Variants in ERICH6B observed in about 807,000 individuals in gnomAD.
ERICH6B encodes the protein glutamate-rich protein 6B.
A neutral mutation model predicts 80.0 loss-of-function variants in ERICH6B; 69 were observed. That is an observed-to-expected ratio of 0.86 (90% CI 0.71 to 1.05). The LOEUF is 1.05. Among genes scored for constraint, ERICH6B ranks in the 50% least tolerant of loss-of-function variants. The pLI, the probability that ERICH6B is intolerant of heterozygous loss-of-function variation, is 0.00. For missense variants in ERICH6B, 754 were observed against 796.1 expected, an observed-to-expected ratio of 0.95 and a Z score of 0.64; for synonymous variants, 283 against 291.9, an observed-to-expected ratio of 0.97 and a Z score of 0.31.
At position 45,561,730 on chromosome 13, in the gene ERICH6B, CTGTT is replaced by C. The variant is rs749930026; in HGVS notation, c.1250-208_1250-205del. Among the ~76,000 whole-genome samples the C allele has an allele frequency of 4.6e-5, 7 of 152,282 alleles. No individual in the cohort carries two copies. The East Asian group carries it at 9.7e-4, about 21-fold the overall frequency. ...GTTGGGGCTGACATTCCAGCTCACT[CTGTT>C]TGGTCACACATTCACTCAACATGTA... is the stretch of plus-strand genomic sequence containing the variant. On this transcript the variant is annotated intron_variant, in intron 10 of 14. Coordinates refer to ENST00000298738, the MANE Select transcript of ERICH6B (RefSeq NM_182542.3).
chr13:45,558,741 C>A (rs1874538529), intron 11 of ERICH6B, among the ~76,000 whole-genome samples: 1 of 152,148 alleles, frequency 6.6e-6, no homozygotes, highest in African/African-American at 2.4e-5. Flanking sequence ...CATTTATTGA[C>A]TTGGATATGG....
At chr13:45,597,647 C>T (rs1876455432) in intron 2 of ERICH6B, among the ~76,000 whole-genome samples, 1 of 152,150 alleles carries the variant, frequency 6.6e-6, no homozygotes, top group African/African-American at 2.4e-5. Flanking sequence ...CAGGCAAATG[C>T]TACATATGTT....
intron 9 of ERICH6B, among the ~76,000 whole-genome samples, chr13:45,565,941 G>A (rs1874894774): frequency 6.6e-6 from 1 of 152,196 alleles, no homozygotes; most frequent in Admixed American, 6.5e-5. Flanking sequence ...GGAAAGTTTG[G>A]AACTTCCTAG....
chr13:45,599,765 G>C (rs916815240), intron 2 of ERICH6B, among the ~76,000 whole-genome samples: 1 of 152,130 alleles, frequency 6.6e-6, no homozygotes, highest in Non-Finnish European at 1.5e-5. Flanking sequence ...ACCTAGTGCA[G>C]GAGCCAAGTC....
chr13:45,589,977 C>A (rs1055458380), intron 4 of ERICH6B, among the ~76,000 whole-genome samples: 1 of 152,152 alleles, frequency 6.6e-6, no homozygotes, highest in Non-Finnish European at 1.5e-5. Context: ...TTATGGGTCC[C>A]CTACTTGGCA....
At chr13:45,603,892 G>A (rs1485556154) in intron 2 of ERICH6B, among the ~76,000 whole-genome samples, 2 of 152,198 alleles carry the variant, frequency 1.3e-5, no homozygotes, top group Non-Finnish European at 2.9e-5. Flanking sequence ...TGATTTACTG[G>A]TGTAGCCCAA....
chr13:45,547,438 G>T (rs1874037856), intron 13 of ERICH6B, among the ~76,000 whole-genome samples: 1 of 152,138 alleles, frequency 6.6e-6, no homozygotes, highest in Admixed American at 6.5e-5. Context: ...GGCTTAGCTA[G>T]CTCTTAACCA....
At chr13:45,560,238 T>A (rs575029884) in intron 11 of ERICH6B, among the ~76,000 whole-genome samples, 1 of 152,328 alleles carries the variant, frequency 6.6e-6, no homozygotes, top group East Asian at 1.9e-4. Context: ...TGAATGACTC[T>A]AATATTTTGA....
intron 13 of ERICH6B, among the ~76,000 whole-genome samples, chr13:45,546,523 G>A (rs149198131): frequency 3.9e-5 from 6 of 152,262 alleles, no homozygotes; most frequent in Non-Finnish European, 5.9e-5. Flanking sequence ...TGTTGCATAC[G>A]TGACAGGCTT....
At chr13:45,574,996 T>C in intron 7 of ERICH6B, 66 bp from the exon 8 acceptor site, 1 of 1,075,716 alleles carries the variant, frequency 9.3e-7, no homozygotes, top group South Asian at 1.4e-5. Context: ...ACATAAAAAA[T>C]TTAAAAAGAA....
chr13:45,596,914 T>C lies in ERICH6B; in HGVS notation c.92A>G (p.Lys31Arg), dbSNP rs371914451. 2.0e-4 allele frequency: 304 copies of C among 1,551,728 alleles called. No individual in the cohort carries two copies. Among genetic ancestry groups the C allele is most frequent in the Non-Finnish European group, 2.5e-4 (285 of 1,147,042 alleles). ...ATCTAGTTCTACTTCAGTATCCTCT[T>C]TCTCTGAAGGCAAGTTCTGTGTGGA... ...QYSTQNLPSEKEDTEVELDEE... is the reference protein window; with the variant it reads ...QYSTQNLPSEREDTEVELDEE... Residue 31 changes from lysine (K) to arginine (R), a missense_variant, in exon 3 of 15, where the codon AAA (lysine) becomes AGA (arginine). Transcript: ENST00000298738.
intron 4 of ERICH6B, among the ~76,000 whole-genome samples, chr13:45,589,401 G>C (rs1876064449): frequency 6.6e-6 from 1 of 152,230 alleles, no homozygotes; most frequent in African/African-American, 2.4e-5. Context: ...CTCTTGCTAA[G>C]TTTTCTACCT....
chr13:45,541,815 A>G (rs1414818364), intron 14 of ERICH6B, 135 bp from the exon 15 acceptor site: 1 of 772,690 alleles, frequency 1.3e-6, no homozygotes, highest in African/African-American at 1.7e-5. Context: ...CTGTGTTCTC[A>G]GCCCTGCCAC....
chr13:45,568,175 G>A (rs750692925), intron 9 of ERICH6B, 140 bp downstream of exon 9: 14 of 946,700 alleles, frequency 1.5e-5, no homozygotes, highest in Admixed American at 3.4e-5. Flanking sequence ...TGCTTGGCCT[G>A]TTCCTGCTCC....
At chr13:45,607,113 CT>C (rs759329434) in intron 2 of ERICH6B, among the ~76,000 whole-genome samples, 9 of 152,148 alleles carry the variant, frequency 5.9e-5, no homozygotes, top group African/African-American at 1.7e-4. Flanking sequence ...AACATGTAAA[CT>C]TTTACAATAA....
intron 3 of ERICH6B, among the ~76,000 whole-genome samples, chr13:45,595,006 G>A (rs919937663): frequency 1.4e-4 from 21 of 152,164 alleles, no homozygotes; most frequent in Non-Finnish European, 3.1e-4. Flanking sequence ...AACCCAACAT[G>A]AGGAAGTACT....
intron 11 of ERICH6B, among the ~76,000 whole-genome samples, chr13:45,560,107 G>C (rs1874604627): frequency 6.6e-6 from 1 of 152,098 alleles, no homozygotes; most frequent in Admixed American, 6.5e-5. Context: ...TGTTGGACAA[G>C]GCCTTTTATC....
Position 45,588,930 on chromosome 13 carries a change from G to C in ERICH6B, c.687-1698C>G, listed in dbSNP as rs184647137. ...ACCACTCGAGGCCTGCTTCTGTAGTGCTTTAGCGAGGGGAGGGCCGGGCAT... is the reference window on the plus strand; with the variant it reads ...ACCACTCGAGGCCTGCTTCTGTAGTCCTTTAGCGAGGGGAGGGCCGGGCAT... On this transcript the variant is annotated intron_variant, in intron 4 of 14. Coordinates refer to ENST00000298738, the MANE Select transcript of ERICH6B (RefSeq NM_182542.3). Among the ~76,000 whole-genome samples the C allele has an allele frequency of 2.6e-3, 394 of 152,268 alleles. 2 individuals are homozygous for C. The highest frequency in any genetic ancestry group is 0.014 in the Middle Eastern group (4 of 294).
In ERICH6B at chr13:45,541,369, A is replaced by G; in HGVS notation, c.*93T>C. 8.9e-7 allele frequency: 1 copy of G among 1,122,256 alleles called. No homozygotes were observed. 69.5% of individuals were successfully genotyped at this position (1,122,256 alleles called of 1,614,324 possible). ...TCCCAAATTACAAACCAACTCTCAT[A>G]AAAGGTCAACAGGTCTTTGGGTTTT... On this transcript the variant is annotated 3_prime_UTR_variant, in exon 15 of 15. Transcript: ENST00000298738.
Sources: gnomAD v4.1 joint callset for allele counts (sites outside exome capture counted in the v4.1 genomes callset) on GRCh38, gnomAD v4.1.1 for gene constraint, MANE v1.5 for transcripts, NCBI Gene and HGNC (gene_info 2026-07-23, HGNC 2026-07-21) for gene names.